The following CACNA1I variants were observed in gnomAD, a reference collection of about 807,000 sequenced individuals.
The protein encoded by CACNA1I is voltage-dependent T-type calcium channel subunit alpha-1I.
In CACNA1I, 74 loss-of-function variants were observed where a neutral mutation model predicts 201.6. That is an observed-to-expected ratio of 0.37 (90% confidence interval 0.30 to 0.45). The LOEUF is 0.45. Ranked by LOEUF, CACNA1I falls within the 20% of genes least tolerant of loss-of-function variation. The pLI, the probability that CACNA1I is intolerant of heterozygous loss-of-function variation, is 1.00. For synonymous variants in CACNA1I, 1,431 were observed against 1,345.2 expected (o/e 1.06, Z -1.40); for missense variants, 2,346 against 3,138.1 (o/e 0.75, Z 6.03).
chr22:39,660,308 C>A, intron 14 of CACNA1I, 36 bp from the exon 15 acceptor site: 2 of 1,536,400 alleles, frequency 1.3e-6, no homozygotes, highest in Non-Finnish European at 1.8e-6. Context: ...AGGAGCTGGA[C>A]TGACCTGCAT....
chr22:39,671,512 CTG>C (rs1935377668), intron 26 of CACNA1I, among the ~76,000 whole-genome samples: 1 of 152,114 alleles, frequency 6.6e-6, no homozygotes, highest in African/African-American at 2.4e-5. Context: ...CAGGCAAACA[CTG>C]GGGGTGGGTG....
intron 3 of CACNA1I, among the ~76,000 whole-genome samples, chr22:39,618,441 G>GTGA (rs948893150): frequency 6.6e-6 from 1 of 152,074 alleles, no homozygotes; most frequent in Admixed American, 6.5e-5. Flanking sequence ...ATGCAGGTGT[G>GTGA]TGACTGTGCG....
intron 3 of CACNA1I, among the ~76,000 whole-genome samples, chr22:39,617,953 C>T (rs1933596178): frequency 6.6e-6 from 1 of 151,506 alleles, no homozygotes; most frequent in African/African-American, 2.4e-5. Flanking sequence ...GGGTCACTCC[C>T]CCTCATCTGA....
chr22:39,585,386 CTTTTTTTTTTT>C (rs67733131), intron 1 of CACNA1I, among the ~76,000 whole-genome samples: 1 of 90,456 alleles, frequency 1.1e-5, no homozygotes, highest in Non-Finnish European at 2.2e-5. Context: ...TTCTTTCTTT[CTTTTTTTTTTT>C]TTTTTTTTTT....
chr22:39,689,624 C>T lies in CACNA1I; in HGVS notation c.*3219C>T, dbSNP rs1158011194. ...TCTATGGTGTGAATGAACTTCCCTC[C>T]TAGTTGCTGATGGCGCTGGTACCTG... On this transcript the variant is annotated 3_prime_UTR_variant, in exon 37 of 37. Coordinates refer to ENST00000402142, the MANE Select transcript of CACNA1I (RefSeq NM_021096.4). The T allele has an allele frequency of 1.3e-5, 2 of 152,740 alleles. No individual in the cohort carries two copies. The highest frequency in any genetic ancestry group is 2.4e-5 in the African/African-American group (1 of 41,488). 9.5% of individuals were successfully genotyped at this position (152,740 alleles called of 1,614,324 possible).
chr22:39,655,852 A>G (rs1366842217), intron 10 of CACNA1I, among the ~76,000 whole-genome samples: 1 of 152,200 alleles, frequency 6.6e-6, no homozygotes, highest in East Asian at 1.9e-4. Context: ...ATCTGTTGTG[A>G]GGGAGGAGGA....
Position 39,685,121 on chromosome 22 carries a change from G to A in CACNA1I, c.6027+623G>A, listed in dbSNP as rs912943143. 6.0e-6 allele frequency: 1 copy of A among 166,448 alleles called. No individual in the cohort carries two copies. Among genetic ancestry groups the A allele is most frequent in the African/African-American group, 2.4e-5 (1 of 41,652 alleles). The allele number at this position is 166,448 out of a possible 1,614,324, so 10.3% of individuals were successfully genotyped here. A position where few individuals can be genotyped will look rare whatever the true frequency, so the allele number is the denominator to read the frequency against. ...GTCACACCAGGCTGTGTGCTCTGGC[G>A]GGCAGGACACAAACTCCCTGCCTGC... On this transcript the variant is annotated intron_variant, in intron 36 of 36. Coordinates refer to ENST00000402142, the MANE Select transcript of CACNA1I (RefSeq NM_021096.4). This position sits in a 1 kb window ranked among gnomAD's most constrained non-coding sequence, Gnocchi z 5.0.
At chr22:39,581,695 T>A (rs1932554194) in intron 1 of CACNA1I, among the ~76,000 whole-genome samples, 1 of 152,230 alleles carries the variant, frequency 6.6e-6, no homozygotes, top group African/African-American at 2.4e-5. Context: ...TCTGCCCTGC[T>A]GCCTCCCTCA....
intron 31 of CACNA1I, among the ~76,000 whole-genome samples, chr22:39,678,309 C>T (rs535190500): frequency 6.6e-6 from 1 of 152,344 alleles, no homozygotes; most frequent in African/African-American, 2.4e-5. Context: ...GTCTACACTG[C>T]CTCATCCCCC....
chr22:39,622,747 G>A (rs936872464), intron 4 of CACNA1I, among the ~76,000 whole-genome samples: 2 of 150,698 alleles, frequency 1.3e-5, no homozygotes, highest in Non-Finnish European at 3.0e-5. Context: ...GCCCAGTCCA[G>A]GTCCTCCTTG....
intron 19 of CACNA1I, 92 bp from the exon 20 acceptor site, chr22:39,663,999 C>T (rs1294529783): frequency 4.6e-6 from 7 of 1,522,432 alleles, no homozygotes; most frequent in Non-Finnish European, 6.4e-6. Flanking sequence ...GTGGCAGCCT[C>T]TCCTCTACGA....
rs1377564297 is a variant in CACNA1I, at chr22:39,648,058, C to T, written c.1567+132C>T. On this transcript the variant is annotated intron_variant, in intron 9 of 36. Coordinates refer to ENST00000402142, the MANE Select transcript of CACNA1I (RefSeq NM_021096.4). The surrounding 1 kb of genome is among the most constrained non-coding windows in gnomAD (Gnocchi z 5.4). ...CCGCGACCCTCTGCAGGCCTGTCTC[C>T]CTCTATAAAGTGAGGACAGGGGCCC... is the stretch of plus-strand genomic sequence containing the variant. The T allele has an allele frequency of 9.0e-6, 7 of 780,460 alleles. No homozygotes were observed. The highest frequency in any genetic ancestry group is 3.7e-4 in the Middle Eastern group (1 of 2,730). 48.3% of individuals were successfully genotyped at this position (780,460 alleles called of 1,614,324 possible). A position where few individuals can be genotyped will look rare whatever the true frequency, so the allele number is the denominator to read the frequency against.
chr22:39,595,739 A>G (rs1358295468), intron 1 of CACNA1I, among the ~76,000 whole-genome samples: 1 of 152,042 alleles, frequency 6.6e-6, no homozygotes, highest in Admixed American at 6.6e-5. Flanking sequence ...CTCATACCTA[A>G]TTTTGGGCCA....
chr22:39,587,375 C>T (rs1025423529), intron 1 of CACNA1I, among the ~76,000 whole-genome samples: 5 of 152,172 alleles, frequency 3.3e-5, no homozygotes, highest in African/African-American at 9.7e-5. Flanking sequence ...TCGCTGGAGG[C>T]ATGTAAGCGG....
At chr22:39,576,443 TTCTG>T (rs1932355480) in intron 1 of CACNA1I, among the ~76,000 whole-genome samples, 1 of 152,220 alleles carries the variant, frequency 6.6e-6, no homozygotes, top group African/African-American at 2.4e-5. Context: ...AAACCCCGAT[TTCTG>T]TGCCTCCCCA....
chr22:39,664,914 G>GC lies in CACNA1I; in HGVS notation c.3847dup (p.Leu1283ProfsTer162). 1 of 1,611,774 alleles carries GC rather than the reference G, an allele frequency of 6.2e-7. No individual in the cohort carries two copies. The highest frequency in any genetic ancestry group is 8.5e-7 in the Non-Finnish European group (1 of 1,179,778). On this transcript the variant is annotated frameshift_variant, in exon 21 of 37. Coordinates refer to ENST00000402142, the MANE Select transcript of CACNA1I (RefSeq NM_021096.4). LOFTEE classifies it high-confidence loss of function. ...GTCTTGCGGCTCCTGCGCACCCTAC[G>GC]CCCCCTGCGGTGAGGACCCCTCCTG...
At position 39,666,093 on chromosome 22, in the gene CACNA1I, C is replaced by T; in HGVS notation, c.4104+87C>T. On this transcript the variant is annotated intron_variant, in intron 23 of 36. Coordinates refer to ENST00000402142, the MANE Select transcript of CACNA1I (RefSeq NM_021096.4). The surrounding 1 kb of genome is among the most constrained non-coding windows in gnomAD (Gnocchi z 4.1). The stretch of plus-strand genomic sequence containing the variant: ...GGAATCACAGACCTGGCTTGTCTTG[C>T]ACTGCCAGGACTGACACTGACTTCT... 6.7e-7 allele frequency: 1 copy of T among 1,482,678 alleles called. No homozygotes were observed. Among genetic ancestry groups the T allele is most frequent in the Non-Finnish European group, 9.2e-7 (1 of 1,088,110 alleles). 91.8% of individuals were successfully genotyped at this position (1,482,678 alleles called of 1,614,324 possible).
At chr22:39,613,354 A>G (rs772928808) in intron 3 of CACNA1I, among the ~76,000 whole-genome samples, 45 of 152,288 alleles carry the variant, frequency 3.0e-4, no homozygotes, top group African/African-American at 1.1e-3. Context: ...GTGCCCTCAT[A>G]GAGGATCAGT....
intron 7 of CACNA1I, among the ~76,000 whole-genome samples, chr22:39,643,965 A>C (rs1306115020): frequency 6.6e-6 from 1 of 152,214 alleles, no homozygotes; most frequent in African/African-American, 2.4e-5. Flanking sequence ...ATGGGCTGAC[A>C]GCAGTCTGAC....
Sources: gnomAD v4.1 joint callset for allele counts (sites outside exome capture counted in the v4.1 genomes callset) on GRCh38, gnomAD v4.1.1 for gene constraint, Gnocchi (gnomAD v3.1) non-coding constraint, MANE v1.5 for transcripts, NCBI Gene and HGNC (gene_info 2026-07-23, HGNC 2026-07-21) for gene names.